Variants in SAMD12 observed in about 807,000 individuals in gnomAD.
The protein encoded by SAMD12 is sterile alpha motif domain containing 12.
A neutral mutation model predicts 15.0 loss-of-function variants in SAMD12; 9 were observed. That is an observed-to-expected ratio of 0.60 (90% CI 0.36 to 1.05). The LOEUF is 1.05. Ranked by LOEUF, SAMD12 falls within the 50% of genes least tolerant of loss-of-function variation. The pLI, the probability that SAMD12 is intolerant of heterozygous loss-of-function variation, is 0.01. For synonymous variants in SAMD12, 86 were observed against 90.1 expected, an observed-to-expected ratio of 0.96 and a Z score of 0.25; for missense variants, 230 against 234.2, an observed-to-expected ratio of 0.98 and a Z score of 0.12.
chr8:118,303,429 C>A (rs1388715280), intron 4 of SAMD12, among the ~76,000 whole-genome samples: 1 of 152,288 alleles, frequency 6.6e-6, no homozygotes, highest in East Asian at 1.9e-4. Context: ...ATCCCAAATA[C>A]TGTATGGTTT....
At chr8:118,360,351 T>C (rs573008851) in intron 4 of SAMD12, among the ~76,000 whole-genome samples, 3 of 152,190 alleles carry the variant, frequency 2.0e-5, no homozygotes, top group African/African-American at 7.2e-5. Flanking sequence ...CCCAGTACAA[T>C]AGAAACTGCA....
At chr8:118,556,515 A>G (rs1254435723) in intron 2 of SAMD12, among the ~76,000 whole-genome samples, 1 of 152,236 alleles carries the variant, frequency 6.6e-6, no homozygotes, top group East Asian at 1.9e-4. Flanking sequence ...GCTATCACCA[A>G]TAAGTAATTT....
At chr8:118,513,427 A>G (rs949877758) in intron 2 of SAMD12, among the ~76,000 whole-genome samples, 5 of 152,224 alleles carry the variant, frequency 3.3e-5, no homozygotes, top group Non-Finnish European at 4.4e-5. Flanking sequence ...CTGTAAACTT[A>G]TAACTACCCT....
At chr8:118,338,033 A>G (rs1817170683) in intron 4 of SAMD12, among the ~76,000 whole-genome samples, 1 of 152,182 alleles carries the variant, frequency 6.6e-6, no homozygotes, top group Admixed American at 6.5e-5. Context: ...ATAAGGGGAG[A>G]CTACTGTACA....
chr8:118,368,470 A>T (rs1818914154), intron 4 of SAMD12, among the ~76,000 whole-genome samples: 1 of 152,180 alleles, frequency 6.6e-6, no homozygotes, highest in Non-Finnish European at 1.5e-5. Context: ...AAAATATTAG[A>T]TGAAACCACT....
At chr8:118,284,596 A>G (rs546069348) in intron 4 of SAMD12, 64 of 293,174 alleles carry the variant, frequency 2.2e-4, no homozygotes, top group African/African-American at 1.4e-3. Flanking sequence ...GGTGACATAT[A>G]TACATACAGC....
In SAMD12 at chr8:118,345,283, T is replaced by C. The variant is rs76255346; in HGVS notation, c.433+34277A>G. On this transcript the variant is annotated intron_variant, in intron 4 of 4. Transcript: ENST00000409003. ...TATACCACATATCCTAGGGTTGTAA[T>C]AGGCTATACCATCTAGGTTACTGTA... is the stretch of plus-strand genomic sequence containing the variant. 2.3e-3 allele frequency among the ~76,000 whole-genome samples: 345 copies of C among 152,318 alleles called. 4 individuals carry two copies. The highest frequency in any genetic ancestry group is 1.1e-3 in the Non-Finnish European group (77 of 68,038).
At chr8:118,247,645 T>G (rs1812727464) in intron 4 of SAMD12, among the ~76,000 whole-genome samples, 1 of 152,032 alleles carries the variant, frequency 6.6e-6, no homozygotes, top group Non-Finnish European at 1.5e-5. Context: ...CAAGCTGGAG[T>G]GCAGTGGCAT....
At chr8:118,287,395 A>G (rs1388481224) in intron 4 of SAMD12, among the ~76,000 whole-genome samples, 3 of 151,956 alleles carry the variant, frequency 2.0e-5, no homozygotes, top group Admixed American at 6.6e-5. Context: ...AAAGGGCTGG[A>G]ATTACAGGCG....
At chr8:118,419,117 G>A (rs975697375) in intron 3 of SAMD12, among the ~76,000 whole-genome samples, 1 of 152,026 alleles carries the variant, frequency 6.6e-6, no homozygotes, top group African/African-American at 2.4e-5. Flanking sequence ...AGCATAGAAG[G>A]CTCTATTCTA....
intron 3 of SAMD12, among the ~76,000 whole-genome samples, chr8:118,438,015 G>A (rs1563859950): frequency 6.6e-6 from 1 of 152,156 alleles, no homozygotes; most frequent in Non-Finnish European, 1.5e-5. Flanking sequence ...ATTATCTGAT[G>A]AAGGCTACCA....
intron 4 of SAMD12, among the ~76,000 whole-genome samples, chr8:118,319,709 G>A (rs1000482218): frequency 1.5e-4 from 23 of 152,132 alleles, no homozygotes; most frequent in Admixed American, 1.5e-3. Context: ...CAGAAGTAGG[G>A]GTGAGAAAGA....
intron 4 of SAMD12, among the ~76,000 whole-genome samples, chr8:118,346,497 G>T (rs1011660613): frequency 4.6e-5 from 7 of 152,162 alleles, no homozygotes; most frequent in African/African-American, 1.7e-4. Context: ...TAATTATGTG[G>T]GCTAATGTCT....
chr8:118,491,887 G>A (rs908835977), intron 2 of SAMD12, among the ~76,000 whole-genome samples: 7 of 152,146 alleles, frequency 4.6e-5, no homozygotes, highest in African/African-American at 1.7e-4. Context: ...GGAGCATTAT[G>A]AAGAAAGCGG....
chr8:118,493,250 A>T (rs2131019892), intron 2 of SAMD12, among the ~76,000 whole-genome samples: 1 of 152,250 alleles, frequency 6.6e-6, no homozygotes. Flanking sequence ...CCACTTATCC[A>T]GTTAATTGCC....
At chr8:118,430,193 T>TA (rs1822358227) in intron 3 of SAMD12, among the ~76,000 whole-genome samples, 2 of 152,302 alleles carry the variant, frequency 1.3e-5, no homozygotes, top group South Asian at 4.1e-4. Context: ...GACAATGCTG[T>TA]TCAGATCATC....
chr8:118,332,465 T>C (rs951170919), intron 4 of SAMD12, among the ~76,000 whole-genome samples: 1 of 152,206 alleles, frequency 6.6e-6, no homozygotes, highest in African/African-American at 2.4e-5. Flanking sequence ...TTTGACTCAT[T>C]TCCCAAAACA....
At chr8:118,438,148 G>A (rs558029820) in intron 3 of SAMD12, among the ~76,000 whole-genome samples, 4 of 152,148 alleles carry the variant, frequency 2.6e-5, no homozygotes, top group African/African-American at 4.8e-5. Context: ...ACTTGGAATC[G>A]AAGCTAAGTA....
At chr8:118,365,267 T>C (rs1818707451) in intron 4 of SAMD12, among the ~76,000 whole-genome samples, 1 of 152,186 alleles carries the variant, frequency 6.6e-6, no homozygotes, top group Admixed American at 6.5e-5. Flanking sequence ...GTTAACTTTA[T>C]GTGTCAACTT....
Sources: allele counts gnomAD v4.1 joint callset (sites outside exome capture counted in the v4.1 genomes callset), GRCh38; gene constraint gnomAD v4.1.1; transcripts MANE v1.5; gene names NCBI Gene and HGNC (gene_info 2026-07-23, HGNC 2026-07-21).